Variants in FOXN3 observed in about 807,000 individuals in gnomAD.
FOXN3 encodes forkhead box N3.
Under a neutral mutation model 38.4 loss-of-function variants are expected in FOXN3, and 7 were observed. The ratio of observed to expected loss-of-function variants is 0.18; its 90% CI spans 0.10 to 0.34. The LOEUF (loss-of-function observed/expected upper bound fraction) is 0.34. Ranked by LOEUF, FOXN3 falls within the 10% of genes least tolerant of loss-of-function variation. FOXN3 has a pLI of 1.00. For missense variants in FOXN3, 456 were observed against 613.4 expected, an observed-to-expected ratio of 0.74 and a Z score of 2.71; for synonymous variants, 230 against 242.2, an observed-to-expected ratio of 0.95 and a Z score of 0.47.
chr14:89,260,221 G>C (rs1208544019), intron 4 of FOXN3, among the ~76,000 whole-genome samples: 1 of 152,202 alleles, frequency 6.6e-6, no homozygotes, highest in African/African-American at 2.4e-5. Context: ...GTTTTAATCT[G>C]AACTAACTCC....
chr14:89,187,249 T>C (rs772796781), intron 4 of FOXN3, among the ~76,000 whole-genome samples: 1 of 152,132 alleles, frequency 6.6e-6, no homozygotes, highest in African/African-American at 2.4e-5. Flanking sequence ...CAAGGGGCTA[T>C]AAATAGCACC....
rs79800046 is a variant in FOXN3, at chr14:89,534,100, CTT to C, written c.-15+84926_-15+84927del. 9.1e-3 allele frequency among the ~76,000 whole-genome samples: 1,031 copies of C among 113,722 alleles called. 2 individuals carry two copies. Among genetic ancestry groups the C allele is most frequent in the African/African-American group, 0.034 (907 of 26,936 alleles). 74.6% of individuals were successfully genotyped at this position (113,722 alleles called of 152,430 possible). ...TTCAGATAGAATATAATTATACATT[CTT>C]TTTTTTTTTTTTTTTTTTTTTGAGA... On this transcript the variant is annotated intron_variant, in intron 1 of 6. Transcript: ENST00000345097.
chr14:89,584,361 ACT>A (rs1325800855), intron 1 of FOXN3, among the ~76,000 whole-genome samples: 2 of 152,204 alleles, frequency 1.3e-5, no homozygotes, highest in African/African-American at 4.8e-5. Context: ...ATATCGCACC[ACT>A]GTACGCCAGC....
At chr14:89,553,238 CAAAAAAAAAAAAA>C (rs146581490) in intron 1 of FOXN3, among the ~76,000 whole-genome samples, 1 of 79,026 alleles carries the variant, frequency 1.3e-5, no homozygotes, top group Non-Finnish European at 2.4e-5. Context: ...GACCCTGTCC[CAAAAAAAAAAAAA>C]AAAAAAAAAA....
At chr14:89,492,626 C>T (rs1022858009) in intron 1 of FOXN3, among the ~76,000 whole-genome samples, 15 of 152,084 alleles carry the variant, frequency 9.9e-5, no homozygotes, top group Non-Finnish European at 2.9e-5. Flanking sequence ...GCAGAAGGAT[C>T]GCTAGAGCCC....
intron 4 of FOXN3, among the ~76,000 whole-genome samples, chr14:89,234,297 T>C (rs1307726820): frequency 1.3e-5 from 2 of 152,196 alleles, no homozygotes; most frequent in Non-Finnish European, 2.9e-5. Context: ...AATCAAGGCA[T>C]TGGCAGGGCC....
chr14:89,224,055 T>C (rs1884554955), intron 4 of FOXN3, among the ~76,000 whole-genome samples: 1 of 152,198 alleles, frequency 6.6e-6, no homozygotes, highest in Admixed American at 6.5e-5. Context: ...TGGCATTAAA[T>C]AATCAACTTA....
chr14:89,303,357 T>C (rs890457721), intron 3 of FOXN3, among the ~76,000 whole-genome samples: 2 of 152,060 alleles, frequency 1.3e-5, no homozygotes, highest in African/African-American at 2.4e-5. Context: ...TCTTATGCTG[T>C]CTCCTTTCCA....
chr14:89,438,593 T>G (rs1892316563), intron 1 of FOXN3, among the ~76,000 whole-genome samples: 1 of 152,192 alleles, frequency 6.6e-6, no homozygotes, highest in South Asian at 2.1e-4. Flanking sequence ...GCCTAAAATA[T>G]GTAGGAAGAA....
chr14:89,286,025 C>A (rs1018211941), intron 3 of FOXN3, among the ~76,000 whole-genome samples: 34 of 152,000 alleles, frequency 2.2e-4, no homozygotes, highest in African/African-American at 8.2e-4. Context: ...CACCACTATG[C>A]CTGGCTAAGT....
chr14:89,195,695 C>G (rs1888080878), intron 4 of FOXN3, among the ~76,000 whole-genome samples: 1 of 152,108 alleles, frequency 6.6e-6, no homozygotes. Flanking sequence ...GGCATTTTGG[C>G]CAGGAACTCT....
chr14:89,357,103 C>T (rs1321949211), intron 2 of FOXN3, among the ~76,000 whole-genome samples: 2 of 152,168 alleles, frequency 1.3e-5, no homozygotes, highest in East Asian at 1.9e-4. Context: ...GTAATCCCAG[C>T]ACTTTAGGAG....
intron 4 of FOXN3, among the ~76,000 whole-genome samples, chr14:89,194,810 A>G (rs1307329465): frequency 6.6e-6 from 1 of 152,120 alleles, no homozygotes. Flanking sequence ...ATATATGTCC[A>G]AAAATTATGT....
At chr14:89,533,812 C>G (rs542619027) in intron 1 of FOXN3, among the ~76,000 whole-genome samples, 2 of 151,770 alleles carry the variant, frequency 1.3e-5, no homozygotes, top group African/African-American at 2.4e-5. Context: ...TAAAGAGCAA[C>G]GAGAAAAGCT....
At chr14:89,494,014 T>C (rs1033165671) in intron 1 of FOXN3, 9 of 152,182 alleles carry the variant, frequency 5.9e-5, no homozygotes, top group African/African-American at 2.2e-4. Flanking sequence ...AACTTTCAAC[T>C]TTGCCCAGAT....
chr14:89,355,479 C>T (rs1274989218), intron 2 of FOXN3, among the ~76,000 whole-genome samples: 1 of 152,078 alleles, frequency 6.6e-6, no homozygotes, highest in Non-Finnish European at 1.5e-5. Context: ...TCAGGTGATC[C>T]GTCTGCCTTG....
chr14:89,540,909 C>G (rs1171406133), intron 1 of FOXN3, among the ~76,000 whole-genome samples: 2 of 151,962 alleles, frequency 1.3e-5, no homozygotes, highest in East Asian at 3.9e-4. Flanking sequence ...CAGAGATTTG[C>G]AGTAGTAAGT....
At position 89,161,622 on chromosome 14, in the gene FOXN3, A is replaced by T; in HGVS notation, c.*792T>A. 6.9e-6 allele frequency: 1 copy of T among 144,064 alleles called. No individual in the cohort carries two copies. The highest frequency in any genetic ancestry group is 1.5e-5 in the Non-Finnish European group (1 of 65,836). The allele number at this position is 144,064 out of a possible 1,614,324, so 8.9% of individuals were successfully genotyped here. On this transcript the variant is annotated 3_prime_UTR_variant, in exon 6 of 6. Transcript: ENST00000557258. ...GCGTGCGTGCACAGGGCCAATCTTCAGGCTTATGGCTTTTGGAACATTTTC... is the reference window on the plus strand; with the variant it reads ...GCGTGCGTGCACAGGGCCAATCTTCTGGCTTATGGCTTTTGGAACATTTTC...
intron 1 of FOXN3, among the ~76,000 whole-genome samples, chr14:89,592,923 G>A (rs1378508192): frequency 1.3e-5 from 2 of 152,130 alleles, no homozygotes; most frequent in East Asian, 3.9e-4. Flanking sequence ...TGCATTATTT[G>A]CCAAGTTTGA....
Sources: gnomAD v4.1 joint callset for allele counts (sites outside exome capture counted in the v4.1 genomes callset) on GRCh38, gnomAD v4.1.1 for gene constraint, MANE v1.5 for transcripts, NCBI Gene and HGNC (gene_info 2026-07-23, HGNC 2026-07-21) for gene names.